TECTA: variants seen among roughly 807,000 people sequenced by gnomAD.
TECTA encodes the protein alpha-tectorin.
TECTA carries 128 observed loss-of-function variants against 216.8 expected under a neutral mutation model. That is an observed-to-expected ratio of 0.59 (90% CI 0.51 to 0.68). The LOEUF is 0.68. Ranked by LOEUF, TECTA falls within the 30% of genes least tolerant of loss-of-function variation. TECTA has a pLI of 0.00. For missense variants in TECTA, 2,551 were observed against 2,786.2 expected, an observed-to-expected ratio of 0.92 and a Z score of 1.90; for synonymous variants, 1,089 against 1,117.1, an observed-to-expected ratio of 0.97 and a Z score of 0.50.
At chr11:121,134,771 T>C (rs1427025000) in intron 10 of TECTA, among the ~76,000 whole-genome samples, 2 of 152,282 alleles carry the variant, frequency 1.3e-5, no homozygotes, top group East Asian at 3.9e-4. Context: ...TGCTAACTCC[T>C]ACCTGGCAGG....
Position 121,129,861 on chromosome 11 carries a change from A to G in TECTA, c.2591A>G (p.Asn864Ser). 2 of 1,614,202 alleles carry G rather than the reference A, an allele frequency of 1.2e-6. No individual in the cohort carries two copies. The highest frequency in any genetic ancestry group is 1.7e-6 in the Non-Finnish European group (2 of 1,180,044). ...ANASDEFCLP[N>S]GKCTDNLAVF... ...GCCAGTGACGAGTTCTGTCTCCCCA[A>G]CGGCAAGTGCACGGACAACCTGGCA... The change falls in exon 10 of 24, where the codon AAC becomes AGC. Residue 864 changes from asparagine (N) to serine (S), a missense_variant. Asn to Ser is a conservative substitution (Grantham distance 46, BLOSUM62 1). Coordinates refer to ENST00000392793, the MANE Select transcript of TECTA (RefSeq NM_005422.4).
At chr11:121,103,832 T>C (rs1384902569) in intron 2 of TECTA, among the ~76,000 whole-genome samples, 1 of 152,342 alleles carries the variant, frequency 6.6e-6, no homozygotes, top group South Asian at 2.1e-4. Context: ...TTAGATATTC[T>C]TAATGTTTGT....
chr11:121,102,155 G>A (rs990527512), intron 1 of TECTA, among the ~76,000 whole-genome samples: 2 of 152,144 alleles, frequency 1.3e-5, no homozygotes, highest in South Asian at 2.1e-4. Flanking sequence ...CTATGGAGAA[G>A]GTGATGGCAG....
chr11:121,128,372 T>C (rs1349909156), intron 9 of TECTA, 28 bp downstream of exon 9: 1 of 1,594,824 alleles, frequency 6.3e-7, no homozygotes, highest in Admixed American at 1.7e-5. Context: ...TTTGGAGGGG[T>C]TCCTGGTACG....
At position 121,189,145 on chromosome 11, in the gene TECTA, A is replaced by G; in HGVS notation, c.6228A>G (p.Ser2076=). The G allele has an allele frequency of 6.2e-7, 1 of 1,614,166 alleles. No homozygotes were observed. The highest frequency in any genetic ancestry group is 8.5e-7 in the Non-Finnish European group (1 of 1,180,004). The change falls in exon 22 of 24, where the codon TCA becomes TCG. Residue 2076 remains serine (S), a synonymous_variant. Transcript: ENST00000392793. ...YTKEPKEQII[S]VGPIRRKRLD... ...AAGAGCCCAAAGAACAGATCATTTCAGTGGGACCTATTAGGAGAAAAAGTA... is the reference window on the plus strand; with the variant it reads ...AAGAGCCCAAAGAACAGATCATTTCGGTGGGACCTATTAGGAGAAAAAGTA...
At chr11:121,189,608 G>T (rs1051450824) in intron 22 of TECTA, among the ~76,000 whole-genome samples, 156 bp from the exon 23 acceptor site, 1 of 152,008 alleles carries the variant, frequency 6.6e-6, no homozygotes, top group South Asian at 2.1e-4. Context: ...TCTCCTGACC[G>T]CGTGATCCAC....
At position 121,190,813 on chromosome 11, in the gene TECTA, C is replaced by T; in HGVS notation, c.*7C>T. ...ATCAGGCACGACCTCATAATTAACT[C>T]AAGGTTGCTATATAAAGTACTGTAA... is the stretch of plus-strand genomic sequence containing the variant. On this transcript the variant is annotated 3_prime_UTR_variant, in exon 24 of 24. Coordinates refer to ENST00000392793, the MANE Select transcript of TECTA (RefSeq NM_005422.4). The T allele has an allele frequency of 6.3e-7, 1 of 1,598,034 alleles. No homozygotes were observed. Among genetic ancestry groups the T allele is most frequent in the Non-Finnish European group, 8.6e-7 (1 of 1,166,902 alleles).
At chr11:121,190,007 G>T (rs1400412232) in intron 23 of TECTA, 127 bp downstream of exon 23, 1 of 763,254 alleles carries the variant, frequency 1.3e-6, no homozygotes, top group East Asian at 2.6e-5. Flanking sequence ...CAGAAATTAA[G>T]AAGGAAAGAT....
At chr11:121,164,118 G>A (rs948331329) in intron 16 of TECTA, among the ~76,000 whole-genome samples, 4 of 152,156 alleles carry the variant, frequency 2.6e-5, no homozygotes, top group Non-Finnish European at 5.9e-5. Flanking sequence ...GCTGTGGGCA[G>A]CTTGGGATTT....
intron 7 of TECTA, among the ~76,000 whole-genome samples, chr11:121,120,453 G>T (rs998889239): frequency 6.6e-6 from 1 of 152,234 alleles, no homozygotes; most frequent in African/African-American, 2.4e-5. Flanking sequence ...CCGACCCAGG[G>T]TGATGTGGGG....
intron 15 of TECTA, among the ~76,000 whole-genome samples, chr11:121,161,174 AATGTATCATAT>A (rs1233908040): frequency 6.6e-6 from 1 of 152,210 alleles, no homozygotes; most frequent in Non-Finnish European, 1.5e-5. Context: ...GACACTGAAC[AATGTATCATAT>A]ATTAGACTAT....
intron 4 of TECTA, 74 bp from the exon 5 acceptor site, chr11:121,112,998 G>A: frequency 6.3e-7 from 1 of 1,595,956 alleles, no homozygotes; most frequent in Non-Finnish European, 8.6e-7. Context: ...GGCGCAGGGT[G>A]AAGGGAGGAC....
Position 121,137,960 on chromosome 11 carries a change from G to C in TECTA, c.3481G>C (p.Val1161Leu). ...GTCACTGGCCTTGTGGGTTAAGCAG[G>C]TGGACGTGACCGTGTTTGGCTACAG... ...DPSLALWVKQ[V>L]DVTVFGYSIV... The change falls in exon 11 of 24, where the codon GTG (valine) becomes CTG (leucine). Residue 1161 changes from valine to leucine, a missense_variant. Physicochemically the swap from Val to Leu is conservative, Grantham distance 32. Coordinates refer to ENST00000392793, the MANE Select transcript of TECTA (RefSeq NM_005422.4). 1.9e-6 allele frequency: 3 copies of C among 1,612,918 alleles called. No homozygotes were observed. The Middle Eastern group carries it at 4.9e-4, about 266-fold the overall frequency.
intron 9 of TECTA, among the ~76,000 whole-genome samples, chr11:121,128,957 T>C (rs1353050187): frequency 6.6e-6 from 1 of 152,172 alleles, no homozygotes; most frequent in Non-Finnish European, 1.5e-5. Context: ...TCATTTCACA[T>C]GAAGACACTT....
At chr11:121,136,375 G>T (rs772480390) in intron 10 of TECTA, among the ~76,000 whole-genome samples, 1 of 152,116 alleles carries the variant, frequency 6.6e-6, no homozygotes, top group Non-Finnish European at 1.5e-5. Context: ...GAAGGGGAAA[G>T]CGCATGAGCA....
At chr11:121,118,799 G>T (rs761511319) in intron 7 of TECTA, 81 bp downstream of exon 7, 1 of 1,552,306 alleles carries the variant, frequency 6.4e-7, no homozygotes, top group Admixed American at 1.7e-5. Context: ...CAGATCTACT[G>T]GTTCTGCTGT....
chr11:121,156,659 T>TA (rs201208956), intron 13 of TECTA, among the ~76,000 whole-genome samples: 41,651 of 143,866 alleles, frequency 0.29, 7,521 homozygotes, highest in African/African-American at 0.58. Flanking sequence ...TTATTATTAT[T>TA]TTTATTATTA....
At chr11:121,168,991 TAAGG>T (rs1445159340) in intron 20 of TECTA, 66 bp downstream of exon 20, 12 of 1,612,184 alleles carry the variant, frequency 7.4e-6, no homozygotes, top group Non-Finnish European at 1.0e-5. Context: ...CATCATTTTT[TAAGG>T]AAGGGAATGG....
chr11:121,138,153 G>A, intron 11 of TECTA, 131 bp downstream of exon 11: 5 of 1,301,202 alleles, frequency 3.8e-6, no homozygotes, highest in Middle Eastern at 2.6e-4. Context: ...AGCAGAGAGA[G>A]GCCCTAGAGA....
Sources: gnomAD v4.1 joint callset for allele counts (sites outside exome capture counted in the v4.1 genomes callset) on GRCh38, gnomAD v4.1.1 for gene constraint, MANE v1.5 for transcripts, NCBI Gene and HGNC (gene_info 2026-07-23, HGNC 2026-07-21) for gene names.